GPC3: variants seen among roughly 807,000 people sequenced by gnomAD.
GPC3 encodes glypican-3.
In GPC3, 3 loss-of-function variants were observed where a neutral mutation model predicts 34.4. The observed-to-expected ratio is 0.09, with a 90% CI of 0.04 to 0.23. The LOEUF (loss-of-function observed/expected upper bound fraction) is 0.23, where lower values mean the gene tolerates loss of function less well. Among genes scored for constraint, GPC3 ranks in the 10% least tolerant of loss-of-function variants. GPC3 has a pLI of 1.00. For synonymous variants in GPC3, 177 were observed against 174.0 expected, an observed-to-expected ratio of 1.02 and a Z score of -0.13; for missense variants, 351 against 445.6, an observed-to-expected ratio of 0.79 and a Z score of 1.91.
intron 6 of GPC3, among the ~76,000 whole-genome samples, chrX:133,652,776 A>G (rs777254935): frequency 8.9e-5 from 10 of 112,411 alleles, no homozygotes; most frequent in South Asian, 3.8e-4. Context: ...GTTTGGGCCA[A>G]TTAACACAAG....
intron 2 of GPC3, among the ~76,000 whole-genome samples, chrX:133,806,448 A>G (rs1319730788): frequency 2.7e-5 from 3 of 111,499 alleles, no homozygotes; most frequent in Non-Finnish European, 3.8e-5. Context: ...TAAGTCTTCA[A>G]ATTAAGTTAG....
rs544855945 is a variant in GPC3 at position 133,630,003 on chromosome X, G to A, written c.1413+31727C>T. Among the ~76,000 whole-genome samples the A allele has an allele frequency of 4.5e-5, 5 of 110,159 alleles. No homozygotes were observed. In the South Asian group the frequency reaches 2.0e-3, roughly 44 times the overall value. ...CAGGAGGTGGAGGTTGTGGTGAGCCGAGATCGTGCCATTGCACTCCAGCCT... is the reference window on the plus strand; with the variant it reads ...CAGGAGGTGGAGGTTGTGGTGAGCCAAGATCGTGCCATTGCACTCCAGCCT... On this transcript the variant is annotated intron_variant, in intron 6 of 7. Transcript: ENST00000370818.
intron 1 of GPC3, among the ~76,000 whole-genome samples, chrX:133,963,979 G>T (rs1159072015): frequency 4.5e-5 from 5 of 111,122 alleles, no homozygotes; most frequent in Admixed American, 3.8e-4. Flanking sequence ...AGGTAGGAGG[G>T]AGGCTGAATC....
At chrX:133,963,821 C>T (rs1419903282) in intron 1 of GPC3, among the ~76,000 whole-genome samples, 1 of 112,193 alleles carries the variant, frequency 8.9e-6, no homozygotes. Context: ...ACATAGTACA[C>T]ACTCAATAAA....
intron 2 of GPC3, among the ~76,000 whole-genome samples, chrX:133,844,439 A>G (rs1253062910): frequency 2.7e-5 from 3 of 111,409 alleles, no homozygotes; most frequent in Non-Finnish European, 5.7e-5. Context: ...GAAACACATG[A>G]CTGGACACTC....
intron 4 of GPC3, among the ~76,000 whole-genome samples, chrX:133,698,443 C>T (rs1218061702): frequency 8.9e-6 from 1 of 112,118 alleles, no homozygotes; most frequent in Non-Finnish European, 1.9e-5. Context: ...CTGTGTGTTG[C>T]AAACTACCCA....
intron 3 of GPC3, among the ~76,000 whole-genome samples, chrX:133,727,041 T>C (rs769809973): frequency 1.2e-3 from 135 of 112,188 alleles, no homozygotes; most frequent in African/African-American, 4.3e-3. Flanking sequence ...GGCAATATTT[T>C]ACTCCTCTAA....
intron 2 of GPC3, among the ~76,000 whole-genome samples, chrX:133,809,088 G>A (rs1269086819): frequency 8.9e-6 from 1 of 111,933 alleles, no homozygotes; most frequent in African/African-American, 3.2e-5. Context: ...TGAATAAGGA[G>A]AAGAAGTGAA....
At chrX:133,809,408 G>T (rs1406007763) in intron 2 of GPC3, among the ~76,000 whole-genome samples, 1 of 111,383 alleles carries the variant, frequency 9.0e-6, no homozygotes, top group African/African-American at 3.3e-5. Context: ...GGACCCACTA[G>T]GAAGAAGAAA....
intron 5 of GPC3, among the ~76,000 whole-genome samples, chrX:133,668,654 A>G (rs1322507942): frequency 9.0e-6 from 1 of 111,074 alleles, no homozygotes; most frequent in East Asian, 2.8e-4. Context: ...GCACTGAAGA[A>G]AAAGAAAACA....
intron 2 of GPC3, among the ~76,000 whole-genome samples, chrX:133,878,659 G>C (rs1436493760): frequency 1.8e-5 from 2 of 111,625 alleles, no homozygotes; most frequent in African/African-American, 6.5e-5. Context: ...ACTGATAGTA[G>C]GGGTCAGAGC....
At chrX:133,640,605 A>G (rs1378256409) in intron 6 of GPC3, among the ~76,000 whole-genome samples, 2 of 112,247 alleles carry the variant, frequency 1.8e-5, no homozygotes, top group African/African-American at 6.5e-5. Flanking sequence ...CAAAAGAAAA[A>G]ACTGTTTAAC....
At chrX:133,655,081 C>T (rs2070642448) in intron 6 of GPC3, among the ~76,000 whole-genome samples, 1 of 111,746 alleles carries the variant, frequency 8.9e-6, no homozygotes, top group Admixed American at 9.6e-5. Flanking sequence ...GACTAAAATA[C>T]ATGACCTAAT....
At chrX:133,908,711 C>T (rs937851004) in intron 2 of GPC3, among the ~76,000 whole-genome samples, 1 of 110,521 alleles carries the variant, frequency 9.0e-6, no homozygotes, top group Non-Finnish European at 1.9e-5. Flanking sequence ...GCTTCTAATA[C>T]AGCCTAAAAT....
intron 6 of GPC3, among the ~76,000 whole-genome samples, chrX:133,602,795 T>C (rs1351870959): frequency 9.0e-6 from 1 of 111,598 alleles, no homozygotes; most frequent in Non-Finnish European, 1.9e-5. Flanking sequence ...CTGTGTCCCA[T>C]AAATATGTAC....
intron 7 of GPC3, among the ~76,000 whole-genome samples, chrX:133,590,717 A>G (rs2069838882): frequency 9.0e-6 from 1 of 111,622 alleles, no homozygotes; most frequent in African/African-American, 3.3e-5. Flanking sequence ...AGCTTGCCAG[A>G]TTGGTGGAAA....
chrX:133,648,583 A>G (rs1214847186), intron 6 of GPC3, among the ~76,000 whole-genome samples: 3 of 111,802 alleles, frequency 2.7e-5, no homozygotes, highest in Non-Finnish European at 5.6e-5. Flanking sequence ...TGTCACTCTC[A>G]TGCTTCAAGC....
chrX:133,941,217 AAAG>A (rs1252369244), intron 2 of GPC3, among the ~76,000 whole-genome samples: 1 of 112,318 alleles, frequency 8.9e-6, no homozygotes, highest in African/African-American at 3.2e-5. Context: ...ATACTACATC[AAAG>A]AATAGTTCCA....
chrX:133,952,005 G>A (rs187363762), intron 2 of GPC3, among the ~76,000 whole-genome samples: 1 of 111,058 alleles, frequency 9.0e-6, no homozygotes, highest in African/African-American at 3.3e-5. Context: ...TCCTCTCTTG[G>A]TGAGGCAAGA....
Sources: gnomAD v4.1 joint callset for allele counts (sites outside exome capture counted in the v4.1 genomes callset) on GRCh38, gnomAD v4.1.1 for gene constraint, MANE v1.5 for transcripts, NCBI Gene and HGNC (gene_info 2026-07-23, HGNC 2026-07-21) for gene names.